Variants in NEO1 observed in about 807,000 individuals in gnomAD.
NEO1 encodes neogenin.
NEO1 carries 63 observed loss-of-function variants against 159.7 expected under a neutral mutation model. That is an observed-to-expected ratio of 0.39 (90% CI 0.32 to 0.49). The LOEUF (loss-of-function observed/expected upper bound fraction) is 0.49. NEO1 is among the 20% of genes least tolerant of loss of function. The pLI, the probability that NEO1 is intolerant of heterozygous loss-of-function variation, is 0.85. For missense variants in NEO1, 1,615 were observed against 1,831.0 expected, an observed-to-expected ratio of 0.88 and a Z score of 2.15; for synonymous variants, 633 against 662.0, an observed-to-expected ratio of 0.96 and a Z score of 0.67.
Position 73,302,732 on chromosome 15 carries a change from T to G in NEO1, c.*36T>G. On this transcript the variant is annotated 3_prime_UTR_variant, in exon 29 of 29. Coordinates refer to ENST00000261908, the MANE Select transcript of NEO1 (RefSeq NM_002499.4). ...CAGGACCTGACTTCAAACCTGAGTC[T>G]GGAAGTCTTGGAACTTACCCTTGAA... is the stretch of plus-strand genomic sequence containing the variant. The G allele has an allele frequency of 6.4e-7, 1 of 1,566,836 alleles. No homozygotes were observed. Among genetic ancestry groups the G allele is most frequent in the Non-Finnish European group, 8.7e-7 (1 of 1,143,666 alleles).
intron 4 of NEO1, among the ~76,000 whole-genome samples, chr15:73,134,073 T>G (rs2031462116): frequency 6.6e-6 from 1 of 152,270 alleles, no homozygotes; most frequent in Admixed American, 6.5e-5. Flanking sequence ...ATTAAGTTTT[T>G]TGTTTCTGAA....
chr15:73,164,255 G>T (rs2151901687), intron 5 of NEO1, among the ~76,000 whole-genome samples: 1 of 146,824 alleles, frequency 6.8e-6, no homozygotes, highest in Admixed American at 6.8e-5. Flanking sequence ...TGTCACCCAG[G>T]TTGGAGTGCA....
At chr15:73,088,077 T>C (rs533216841) in intron 1 of NEO1, among the ~76,000 whole-genome samples, 1 of 152,146 alleles carries the variant, frequency 6.6e-6, no homozygotes, top group South Asian at 2.1e-4. Flanking sequence ...GTTTTTACTC[T>C]AAAATAGGTA....
rs11368240 is a variant in NEO1 at position 73,138,755 on chromosome 15, CAAAAAAAAA to C, written c.1015+2736_1015+2744del. ...TGGGCGACAGAGCGAGACTCCGTCTCAAAAAAAAAAAAAAAACAAAAAAACAAAAAAACA... is the reference window on the plus strand; with the variant it reads ...TGGGCGACAGAGCGAGACTCCGTCTCAAAAAAACAAAAAAACAAAAAAACA... On this transcript the variant is annotated intron_variant, in intron 5 of 28. Coordinates refer to ENST00000261908, the MANE Select transcript of NEO1 (RefSeq NM_002499.4). Among the ~76,000 whole-genome samples the C allele has an allele frequency of 5.0e-3, 550 of 109,254 alleles. 2 individuals carry two copies. Among genetic ancestry groups the C allele is most frequent in the African/African-American group, 0.017 (527 of 30,144 alleles). 71.7% of individuals were successfully genotyped at this position (109,254 alleles called of 152,430 possible).
At chr15:73,143,943 TATCAAC>T (rs2032656991) in intron 5 of NEO1, among the ~76,000 whole-genome samples, 1 of 152,248 alleles carries the variant, frequency 6.6e-6, no homozygotes, top group African/African-American at 2.4e-5. Flanking sequence ...CTGGAGTTCT[TATCAAC>T]AGGAACTGGT....
At chr15:73,191,603 GCTTAA>G (rs1335421701) in intron 7 of NEO1, among the ~76,000 whole-genome samples, 1 of 150,992 alleles carries the variant, frequency 6.6e-6, no homozygotes, top group Non-Finnish European at 1.5e-5. Flanking sequence ...GAAGATAAAA[GCTTAA>G]CTTTATGAAG....
chr15:73,073,802 G>A (rs2068645544), intron 1 of NEO1, among the ~76,000 whole-genome samples: 1 of 152,118 alleles, frequency 6.6e-6, no homozygotes, highest in South Asian at 2.1e-4. Flanking sequence ...ATATGAGAAT[G>A]TACCATACTA....
At position 73,244,348 on chromosome 15, in the gene NEO1, C is replaced by T. The variant is rs751002694; in HGVS notation, c.1456C>T (p.Arg486Cys). Reference protein sequence around the residue: ...FYTKEGIARERVENTSHPGEM... With the variant: ...FYTKEGIARECVENTSHPGEM... Reference sequence around the variant, plus strand: ...CTCCAAATCCTTTGTCTAAAGGGAACGTGTTGAGAATACCAGTCACCCAGG... The same window carrying T: ...CTCCAAATCCTTTGTCTAAAGGGAATGTGTTGAGAATACCAGTCACCCAGG... The change falls in exon 9 of 29, where the codon CGT becomes TGT. Residue 486 changes from arginine to cysteine, a missense_variant. Coordinates refer to ENST00000261908, the MANE Select transcript of NEO1 (RefSeq NM_002499.4). 19 of 1,612,316 alleles carry T rather than the reference C, an allele frequency of 1.2e-5. No individual in the cohort carries two copies. Among genetic ancestry groups the T allele is most frequent in the Middle Eastern group, 3.3e-4 (2 of 6,054 alleles).
At chr15:73,187,063 T>C (rs1169005439) in intron 7 of NEO1, among the ~76,000 whole-genome samples, 1 of 152,154 alleles carries the variant, frequency 6.6e-6, no homozygotes, top group East Asian at 1.9e-4. Context: ...GAATTGAAAA[T>C]AAACTATTGT....
intron 7 of NEO1, among the ~76,000 whole-genome samples, chr15:73,205,412 C>T (rs1236303816): frequency 6.6e-6 from 1 of 152,168 alleles, no homozygotes; most frequent in Non-Finnish European, 1.5e-5. Context: ...ACAATTAATT[C>T]TCTGGAACAG....
intron 1 of NEO1, among the ~76,000 whole-genome samples, chr15:73,064,393 A>G (rs2068110162): frequency 6.6e-6 from 1 of 152,134 alleles, no homozygotes; most frequent in Non-Finnish European, 1.5e-5. Flanking sequence ...TGTCTCTCTC[A>G]TTCTCATAGT....
intron 2 of NEO1, 101 bp downstream of exon 2, chr15:73,116,958 A>G (rs2071360936): frequency 2.6e-5 from 23 of 896,502 alleles, no homozygotes. Context: ...ATTAGTAGCA[A>G]CAAATATACT....
chr15:73,074,952 C>T (rs1212251683), intron 1 of NEO1, among the ~76,000 whole-genome samples: 16 of 152,090 alleles, frequency 1.1e-4, no homozygotes, highest in Admixed American at 7.9e-4. Context: ...ATCCTTAGGA[C>T]GTAACACAGT....
intron 1 of NEO1, among the ~76,000 whole-genome samples, chr15:73,101,990 T>C (rs1160803392): frequency 3.9e-5 from 6 of 152,192 alleles, no homozygotes; most frequent in Non-Finnish European, 8.8e-5. Context: ...AAAAATATTG[T>C]TTGTGGACTG....
chr15:73,225,586 A>G (rs1438944517), intron 7 of NEO1, among the ~76,000 whole-genome samples: 1 of 152,046 alleles, frequency 6.6e-6, no homozygotes, highest in East Asian at 1.9e-4. Context: ...GGAAAGCCGC[A>G]GTCACAGGCC....
intron 25 of NEO1, among the ~76,000 whole-genome samples, chr15:73,293,175 A>C (rs886493492): frequency 6.6e-6 from 1 of 152,196 alleles, no homozygotes; most frequent in African/African-American, 2.4e-5. Flanking sequence ...TTTTCTATAT[A>C]TATGTAGACA....
intron 5 of NEO1, among the ~76,000 whole-genome samples, chr15:73,147,914 A>G (rs544593683): frequency 6.6e-6 from 1 of 151,952 alleles, no homozygotes; most frequent in East Asian, 1.9e-4. Flanking sequence ...CCTGGGTTCA[A>G]GTGATTCTCC....
At chr15:73,295,963 T>G (rs2042348198) in intron 26 of NEO1, among the ~76,000 whole-genome samples, 1 of 152,192 alleles carries the variant, frequency 6.6e-6, no homozygotes, top group South Asian at 2.1e-4. Context: ...ACTTACAGCA[T>G]GGATTCTAAG....
chr15:73,277,993 A>T (rs549404778), intron 21 of NEO1, 138 bp from the exon 22 acceptor site: 56 of 658,498 alleles, frequency 8.5e-5, no homozygotes, highest in Non-Finnish European at 1.4e-4. Flanking sequence ...GATTCCCATG[A>T]TTTATGTGCT....
Sources: allele counts gnomAD v4.1 joint callset (sites outside exome capture counted in the v4.1 genomes callset), GRCh38; gene constraint gnomAD v4.1.1; transcripts MANE v1.5; gene names NCBI Gene and HGNC (gene_info 2026-07-23, HGNC 2026-07-21).